The following ATG14 variants were observed in gnomAD, a reference collection of about 807,000 sequenced individuals.
The protein encoded by ATG14 is autophagy related 14.
ATG14 carries 35 observed loss-of-function variants against 60.4 expected under a neutral mutation model. The ratio of observed to expected loss-of-function variants is 0.58; its 90% CI spans 0.44 to 0.77. The LOEUF (loss-of-function observed/expected upper bound fraction) is 0.77. Among genes scored for constraint, ATG14 ranks in the 30% least tolerant of loss-of-function variants. The pLI, the probability that ATG14 is intolerant of heterozygous loss-of-function variation, is 0.00. For missense variants in ATG14, 647 were observed against 626.3 expected, an observed-to-expected ratio of 1.03 and a Z score of -0.35; for synonymous variants, 234 against 228.8, an observed-to-expected ratio of 1.02 and a Z score of -0.21.
At chr14:55,377,708 T>G in intron 9 of ATG14, 111 bp downstream of exon 9, 1 of 670,982 alleles carries the variant, frequency 1.5e-6, no homozygotes, top group East Asian at 2.7e-5. Context: ...ACTATTTTTG[T>G]CCGGTTTGAG....
intron 1 of ATG14, among the ~76,000 whole-genome samples, chr14:55,410,477 C>CT (rs764885792): frequency 3.6e-4 from 55 of 152,268 alleles, no homozygotes; most frequent in Non-Finnish European, 6.9e-4. Context: ...TTTCTAAAGT[C>CT]ATCAAGAGCA....
At chr14:55,399,641 A>G (rs1280486461) in intron 1 of ATG14, among the ~76,000 whole-genome samples, 85 of 152,250 alleles carry the variant, frequency 5.6e-4, no homozygotes, top group Non-Finnish European at 4.4e-5. Flanking sequence ...CCTTGTATCA[A>G]AAATGAGAGA....
intron 4 of ATG14, among the ~76,000 whole-genome samples, chr14:55,389,084 G>A (rs570693214): frequency 6.6e-6 from 1 of 152,304 alleles, no homozygotes; most frequent in South Asian, 2.1e-4. Context: ...ATTTGCTAGG[G>A]ATGGAAACCA....
At position 55,368,115 on chromosome 14, in the gene ATG14, T is replaced by G. The variant is rs77355286; in HGVS notation, c.*1504A>C. On this transcript the variant is annotated 3_prime_UTR_variant, in exon 10 of 10. Transcript: ENST00000247178. The stretch of plus-strand genomic sequence containing the variant: ...TTTTTTGCAGTTATTAAAAATAAAC[T>G]ACTTACATATTTGTACATAATGCCT... 1 of 145,852 alleles carries G rather than the reference T, an allele frequency of 6.9e-6. No individual in the cohort carries two copies. Among genetic ancestry groups the G allele is most frequent in the African/African-American group, 2.5e-5 (1 of 40,156 alleles). The allele number at this position is 145,852 out of a possible 1,614,324, so 9.0% of individuals were successfully genotyped here.
At chr14:55,410,696 T>C (rs558400593) in intron 1 of ATG14, among the ~76,000 whole-genome samples, 1 of 152,344 alleles carries the variant, frequency 6.6e-6, no homozygotes, top group East Asian at 1.9e-4. Context: ...TAACTATTTG[T>C]GTGACCTGGG....
chr14:55,389,923 G>T (rs1471537739), intron 4 of ATG14, among the ~76,000 whole-genome samples: 2 of 151,862 alleles, frequency 1.3e-5, no homozygotes, highest in Non-Finnish European at 2.9e-5. Context: ...TATGATGTAA[G>T]ATTAATACAG....
At chr14:55,378,898 A>G (rs1884972488) in intron 7 of ATG14, among the ~76,000 whole-genome samples, 1 of 151,834 alleles carries the variant, frequency 6.6e-6, no homozygotes, top group Non-Finnish European at 1.5e-5. Context: ...AGTAGCGACA[A>G]GGTCTCACTA....
rs1491354292 is a variant in ATG14, at chr14:55,402,969, A to AT, written c.222-5536_222-5535insA. ...TATATATATATATATATATATATATAAATAGCTGGGCATAGTGGTGCATGG... is the reference window on the plus strand; with the variant it reads ...TATATATATATATATATATATATATATAATAGCTGGGCATAGTGGTGCATGG... On this transcript the variant is annotated intron_variant, in intron 1 of 9. Transcript: ENST00000247178. Among the ~76,000 whole-genome samples, 591 of 93,910 alleles carry AT rather than the reference A, an allele frequency of 6.3e-3. 12 individuals carry two copies. Among genetic ancestry groups the AT allele is most frequent in the Non-Finnish European group, 0.011 (496 of 45,128 alleles). The allele number at this position is 93,910 out of a possible 152,430, so 61.6% of individuals were successfully genotyped here.
rs1382003503 is a variant in ATG14 at position 55,369,667 on chromosome 14, T to C, written c.1431A>G (p.Ala477=). The C allele has an allele frequency of 1.3e-6, 2 of 1,574,066 alleles. No individual in the cohort carries two copies. Among genetic ancestry groups the C allele is most frequent in the East Asian group, 2.3e-5 (1 of 44,334 alleles). ...SSSAGGMISS[A]AASVTSWFKA... ...TAAACCAGGAGGTCACCGAGGCTGC[T>C]GCAGAGGAGATCATCCCACCTGCAC... The change falls in exon 10 of 10, where the codon GCA becomes GCG. Residue 477 remains alanine (A), a synonymous_variant. Transcript: ENST00000247178.
intron 1 of ATG14, among the ~76,000 whole-genome samples, chr14:55,400,878 T>C (rs543388764): frequency 1.3e-4 from 19 of 151,570 alleles, no homozygotes; most frequent in African/African-American, 4.6e-4. Flanking sequence ...CACTCCAGCC[T>C]GGGTGACAGA....
At chr14:55,393,152 T>A (rs376904570) in intron 3 of ATG14, among the ~76,000 whole-genome samples, 53 of 152,130 alleles carry the variant, frequency 3.5e-4, no homozygotes, top group Middle Eastern at 3.4e-3. Flanking sequence ...GAGGCCAAGG[T>A]GGGCGGATCA....
At chr14:55,377,415 A>C (rs1407148139) in intron 9 of ATG14, among the ~76,000 whole-genome samples, 1 of 152,168 alleles carries the variant, frequency 6.6e-6, no homozygotes, top group African/African-American at 2.4e-5. Flanking sequence ...GAAAATGTGC[A>C]GGAAACAGGG....
At chr14:55,387,165 AGTGGTTCT>A (rs1885139087) in intron 4 of ATG14, among the ~76,000 whole-genome samples, 1 of 152,134 alleles carries the variant, frequency 6.6e-6, no homozygotes, top group African/African-American at 2.4e-5. Context: ...GTCAATGCTC[AGTGGTTCT>A]CCACTGCCCA....
intron 3 of ATG14, among the ~76,000 whole-genome samples, chr14:55,393,625 A>G (rs1333457075): frequency 6.6e-6 from 1 of 150,770 alleles, no homozygotes; most frequent in African/African-American, 2.4e-5. Flanking sequence ...AGCTCACTTC[A>G]GCCTGACCTC....
rs1884775714 is a variant in ATG14 at position 55,369,906 on chromosome 14, G to A, written c.1192C>T (p.Arg398Ter). ...HLGRSGPFEV[R>*]ADLEESMEFV... Reference sequence around the variant, plus strand: ...TCCATGGACTCCTCAAGGTCTGCTCGTACTTCAAAGGGCCCTGACCTGTGT... The same window carrying A: ...TCCATGGACTCCTCAAGGTCTGCTCATACTTCAAAGGGCCCTGACCTGTGT... Residue 398 changes from arginine to a stop codon, truncating the protein, a stop_gained, in exon 10 of 10, where the codon CGA (arginine) becomes TGA (stop). Coordinates refer to ENST00000247178, the MANE Select transcript of ATG14 (RefSeq NM_014924.5). LOFTEE classifies it high-confidence loss of function. 1.9e-6 allele frequency: 3 copies of A among 1,611,190 alleles called. No homozygotes were observed. Among genetic ancestry groups the A allele is most frequent in the Non-Finnish European group, 1.7e-6 (2 of 1,178,222 alleles).
At chr14:55,371,621 A>G (rs184348035) in intron 9 of ATG14, among the ~76,000 whole-genome samples, 39 of 152,128 alleles carry the variant, frequency 2.6e-4, no homozygotes, top group African/African-American at 8.0e-4. Context: ...TGGCTAACAC[A>G]GTGAAACCCT....
chr14:55,378,643 T>A (rs748034730), intron 7 of ATG14, among the ~76,000 whole-genome samples: 17 of 151,948 alleles, frequency 1.1e-4, no homozygotes, highest in Non-Finnish European at 2.1e-4. Context: ...TCCCCTATGA[T>A]CACACACCTG....
intron 6 of ATG14, among the ~76,000 whole-genome samples, 185 bp from the exon 7 acceptor site, chr14:55,380,875 A>ATATATTTTTTTT (rs377330757): frequency 8.9e-6 from 1 of 112,734 alleles, no homozygotes; most frequent in Non-Finnish European, 1.7e-5. Context: ...ATATATATAT[A>ATATATTTTTTTT]TTTTTTTTTT....
chr14:55,382,251 A>G (rs1885049072), intron 5 of ATG14, 60 bp from the exon 6 acceptor site: 3 of 1,483,946 alleles, frequency 2.0e-6, no homozygotes, highest in Non-Finnish European at 2.8e-6. Context: ...GGCATGCAAT[A>G]TAACTGCAAG....
Sources: gnomAD v4.1 joint callset for allele counts (sites outside exome capture counted in the v4.1 genomes callset) on GRCh38, gnomAD v4.1.1 for gene constraint, MANE v1.5 for transcripts, NCBI Gene and HGNC (gene_info 2026-07-23, HGNC 2026-07-21) for gene names.